Variants in LSG1 observed in about 807,000 individuals in gnomAD.
LSG1 encodes the protein large 60S subunit nuclear export GTPase 1, also known as large subunit GTPase 1 homolog.
In LSG1, 55 loss-of-function variants were observed where a neutral mutation model predicts 82.6. That is an observed-to-expected ratio of 0.67 (90% CI 0.54 to 0.83). The LOEUF (loss-of-function observed/expected upper bound fraction) is 0.83, where lower values mean the gene tolerates loss of function less well. Among genes scored for constraint, LSG1 ranks in the 40% least tolerant of loss-of-function variants. The pLI, the probability that LSG1 is intolerant of heterozygous loss-of-function variation, is 0.00. For missense variants in LSG1, 809 were observed against 807.9 expected (o/e 1.00, Z -0.02); for synonymous variants, 272 against 282.5 (o/e 0.96, Z 0.37).
At position 194,666,523 on chromosome 3, in the gene LSG1, C is replaced by T. The variant is rs1719033733; in HGVS notation, c.276G>A (p.Leu92=). The T allele has an allele frequency of 2.5e-6, 4 of 1,613,846 alleles. No homozygotes were observed. The highest frequency in any genetic ancestry group is 3.4e-6 in the Non-Finnish European group (4 of 1,179,778). Residue 92 remains leucine, a synonymous_variant, in exon 3 of 14, where the codon CTG becomes CTA. Coordinates refer to ENST00000265245, the MANE Select transcript of LSG1 (RefSeq NM_018385.3). ...FVPAEARTGL[L]SFEESQRIKK... ...TAATTCTCTGGCTCTCCTCGAAAGACAGTAGTCCAGTTCTAGCCTCAGCAG... is the reference window on the plus strand; with the variant it reads ...TAATTCTCTGGCTCTCCTCGAAAGATAGTAGTCCAGTTCTAGCCTCAGCAG...
Position 194,670,062 on chromosome 3 carries a change from G to A in LSG1, c.173C>T (p.Ser58Phe). ...TGCAGTAGCAAGGAAGTCATCAAGG[G>A]AGCTCTGTTCAGTCACTGACTGAAG... is the stretch of plus-strand genomic sequence containing the variant. ...LNLQSVTEQS[S>F]LDDFLATAEL... is the part of the protein sequence containing the mutation. The change falls in exon 2 of 14, where the codon TCC becomes TTC. Residue 58 changes from serine to phenylalanine, a missense_variant. By Grantham distance (155) the Ser-to-Phe change is radical (BLOSUM62 -2). Transcript: ENST00000265245. 1 of 1,614,096 alleles carries A rather than the reference G, an allele frequency of 6.2e-7. No homozygotes were observed. Among genetic ancestry groups the A allele is most frequent in the Non-Finnish European group, 8.5e-7 (1 of 1,180,014 alleles).
In LSG1 at chr3:194,659,087, A is replaced by G. The variant is rs141567800; in HGVS notation, c.629T>C (p.Leu210Pro). The G allele has an allele frequency of 1.9e-5, 31 of 1,614,106 alleles. No homozygotes were observed. In the African/African-American group the frequency reaches 3.6e-4, roughly 19 times the overall value. Reference protein sequence around the residue: ...EMDANKENVILINKADLLTAE... With the variant: ...EMDANKENVIPINKADLLTAE... ...AGTCAGCAAGTCTGCCTTGTTGATC[A>G]GAATGACGTTCTCCTTATTGGCATC... The change falls in exon 7 of 14, where the codon CTG becomes CCG. Residue 210 changes from leucine to proline, a missense_variant. By Grantham distance (98) the Leu-to-Pro change is moderately conservative. Transcript: ENST00000265245.
chr3:194,667,367 G>A (rs186329209), intron 2 of LSG1, among the ~76,000 whole-genome samples: 48 of 152,048 alleles, frequency 3.2e-4, no homozygotes, highest in Admixed American at 2.8e-3. Flanking sequence ...TGTAAACTTC[G>A]AACAGATACT....
intron 5 of LSG1, among the ~76,000 whole-genome samples, chr3:194,665,004 T>C (rs1321218503): frequency 6.6e-6 from 1 of 152,216 alleles, no homozygotes; most frequent in African/African-American, 2.4e-5. Context: ...CACTCCTTCC[T>C]CTGCTATGAC....
chr3:194,645,605 C>G (rs1206415624), intron 12 of LSG1, among the ~76,000 whole-genome samples: 54 of 134,000 alleles, frequency 4.0e-4, no homozygotes, highest in Middle Eastern at 4.1e-3. Flanking sequence ...CACACACACA[C>G]ACACACACAC....
Position 194,646,069 on chromosome 3 carries a change from T to C in LSG1, c.1623+95A>G, listed in dbSNP as rs1718544128. ...CAACTCCAGTTTCAATGAAAAAATA[T>C]TTCCTTTATAATCGAACAGGTTACC... On this transcript the variant is annotated intron_variant, in intron 12 of 13. Coordinates refer to ENST00000265245, the MANE Select transcript of LSG1 (RefSeq NM_018385.3). 17 of 1,217,530 alleles carry C rather than the reference T, an allele frequency of 1.4e-5. 1 individual carries two copies. Among genetic ancestry groups the C allele is most frequent in the Non-Finnish European group, 2.0e-5 (17 of 840,664 alleles). The allele number at this position is 1,217,530 out of a possible 1,614,324, so 75.4% of individuals were successfully genotyped here.
chr3:194,661,125 T>A (rs1459672257), intron 5 of LSG1, among the ~76,000 whole-genome samples: 1 of 152,252 alleles, frequency 6.6e-6, no homozygotes, highest in Non-Finnish European at 1.5e-5. Context: ...GACATTCTTT[T>A]GACAATTAAA....
At chr3:194,668,213 T>C (rs1210182477) in intron 2 of LSG1, among the ~76,000 whole-genome samples, 1 of 152,052 alleles carries the variant, frequency 6.6e-6, no homozygotes, top group Non-Finnish European at 1.5e-5. Flanking sequence ...CACTTTTTGG[T>C]GATTACGAAT....
At chr3:194,660,198 T>C (rs1484777879) in intron 5 of LSG1, 65 bp from the exon 6 acceptor site, 1 of 1,290,568 alleles carries the variant, frequency 7.7e-7, no homozygotes, top group African/African-American at 1.5e-5. Flanking sequence ...AACCACATAA[T>C]AATGGCCAGA....
intron 12 of LSG1, chr3:194,644,983 CT>C (rs1259744347): frequency 2.7e-6 from 1 of 366,420 alleles, no homozygotes; most frequent in Non-Finnish European, 4.9e-6. Flanking sequence ...TCTCTTTCTT[CT>C]TTTCTCGTTT....
At chr3:194,655,586 T>A (rs970338136) in intron 7 of LSG1, among the ~76,000 whole-genome samples, 5 of 152,194 alleles carry the variant, frequency 3.3e-5, no homozygotes, top group African/African-American at 1.2e-4. Context: ...AAAGAATATG[T>A]TTTTATTAAC....
At chr3:194,661,700 A>G (rs762978610) in intron 5 of LSG1, among the ~76,000 whole-genome samples, 16 of 152,230 alleles carry the variant, frequency 1.1e-4, no homozygotes, top group Non-Finnish European at 2.1e-4. Context: ...ACATCAATAA[A>G]TATTTCCCAT....
chr3:194,670,195 A>G (rs1719116868), intron 1 of LSG1, 60 bp from the exon 2 acceptor site: 1 of 1,595,362 alleles, frequency 6.3e-7, no homozygotes, highest in African/African-American at 1.3e-5. Context: ...GCATCCAATA[A>G]GCTCTAAAAT....
intron 8 of LSG1, 33 bp downstream of exon 8, chr3:194,652,696 G>A (rs746605345): frequency 1.7e-5 from 27 of 1,583,558 alleles, no homozygotes; most frequent in African/African-American, 5.4e-5. Context: ...AGACAATCAC[G>A]TGGTAACAAT....
At chr3:194,644,177 A>T (rs898904781) in intron 13 of LSG1, among the ~76,000 whole-genome samples, 72 of 152,130 alleles carry the variant, frequency 4.7e-4, no homozygotes, top group Non-Finnish European at 4.7e-4. Context: ...CCTGGCTAAC[A>T]AGGTGAAACC....
chr3:194,650,848 A>C, intron 10 of LSG1, 33 bp downstream of exon 10: 1 of 1,583,184 alleles, frequency 6.3e-7, no homozygotes, highest in Non-Finnish European at 8.6e-7. Flanking sequence ...TATGCACGTA[A>C]TAACTAGAGT....
At chr3:194,671,041 G>C (rs947507676) in intron 1 of LSG1, among the ~76,000 whole-genome samples, 5 of 152,198 alleles carry the variant, frequency 3.3e-5, no homozygotes, top group African/African-American at 1.2e-4. Context: ...GAATTGGTGA[G>C]TTATGATCAC....
intron 7 of LSG1, among the ~76,000 whole-genome samples, chr3:194,657,198 AC>A (rs1295814519): frequency 1.5e-5 from 2 of 137,482 alleles, no homozygotes; most frequent in African/African-American, 5.4e-5. Flanking sequence ...AAAAAAAAAA[AC>A]GCTTGGCATA....
At chr3:194,668,760 C>T (rs1484522474) in intron 2 of LSG1, among the ~76,000 whole-genome samples, 4 of 152,184 alleles carry the variant, frequency 2.6e-5, no homozygotes, top group Admixed American at 6.5e-5. Context: ...CCCATGTTCC[C>T]TGCAGCGCTA....
Sources: gnomAD v4.1 joint callset for allele counts (sites outside exome capture counted in the v4.1 genomes callset) on GRCh38, gnomAD v4.1.1 for gene constraint, MANE v1.5 for transcripts, NCBI Gene and HGNC (gene_info 2026-07-23, HGNC 2026-07-21) for gene names.